CENPP: variants seen among roughly 807,000 people sequenced by gnomAD.
CENPP encodes the protein centromere protein P.
Under a neutral mutation model 35.6 loss-of-function variants are expected in CENPP, and 24 were observed. The observed-to-expected ratio is 0.67, with a 90% CI of 0.49 to 0.95. The LOEUF is 0.95. Ranked by LOEUF, CENPP falls within the 40% of genes least tolerant of loss-of-function variation. The probability of loss-of-function intolerance (pLI) is 0.00; values close to 1 mark genes in which losing one functional copy is unlikely to be tolerated. For missense variants in CENPP, 332 were observed against 345.3 expected, an observed-to-expected ratio of 0.96 and a Z score of 0.31; for synonymous variants, 120 against 125.5, an observed-to-expected ratio of 0.96 and a Z score of 0.29.
intron 5 of CENPP, among the ~76,000 whole-genome samples, chr9:92,471,977 T>G (rs1471531885): frequency 6.6e-6 from 1 of 152,188 alleles, no homozygotes; most frequent in African/African-American, 2.4e-5. Flanking sequence ...ATACATTTAA[T>G]AGCCAAAAAT....
At chr9:92,496,050 A>G in intron 5 of CENPP, 1 of 1,058,682 alleles carries the variant, frequency 9.4e-7, no homozygotes, top group Non-Finnish European at 1.1e-6. Context: ...GGTCTAGCTC[A>G]GTATGCATAA....
At chr9:92,560,220 A>G (rs756939735) in intron 5 of CENPP, among the ~76,000 whole-genome samples, 2 of 152,244 alleles carry the variant, frequency 1.3e-5, no homozygotes, top group Non-Finnish European at 2.9e-5. Flanking sequence ...AACAAAAAAC[A>G]AACTAGATAA....
At chr9:92,562,921 A>T (rs1222000763) in intron 5 of CENPP, among the ~76,000 whole-genome samples, 1 of 152,130 alleles carries the variant, frequency 6.6e-6, no homozygotes, top group Non-Finnish European at 1.5e-5. Flanking sequence ...CCACAGCCTC[A>T]TTTTTTCCCC....
chr9:92,328,292 A>C (rs536864935), intron 1 of CENPP, among the ~76,000 whole-genome samples: 41 of 152,260 alleles, frequency 2.7e-4, no homozygotes, highest in African/African-American at 9.6e-4. Flanking sequence ...GGAGGATTGG[A>C]ACCTATGTAC....
chr9:92,392,620 G>T (rs574074250), intron 5 of CENPP, among the ~76,000 whole-genome samples: 1 of 151,352 alleles, frequency 6.6e-6, no homozygotes, highest in Non-Finnish European at 1.5e-5. Context: ...ATGTCGGGTT[G>T]GGGGGAGGGG....
At chr9:92,547,456 G>GAAT (rs1308139465) in intron 5 of CENPP, among the ~76,000 whole-genome samples, 1 of 152,216 alleles carries the variant, frequency 6.6e-6, no homozygotes, top group African/African-American at 2.4e-5. Flanking sequence ...CCATACAAGG[G>GAAT]AATATTATTT....
intron 5 of CENPP, among the ~76,000 whole-genome samples, chr9:92,460,049 G>A (rs117934413): frequency 0.037 from 5,525 of 148,984 alleles, 134 homozygotes; most frequent in Middle Eastern, 0.073. Context: ...TGGTAATAAC[G>A]GTGGTTCTTT....
At chr9:92,356,469 A>C (rs557177209) in intron 4 of CENPP, among the ~76,000 whole-genome samples, 1 of 152,308 alleles carries the variant, frequency 6.6e-6, no homozygotes, top group South Asian at 2.1e-4. Context: ...CTGATTTCAT[A>C]TTGTTCAAAC....
chr9:92,361,470 T>G (rs1411201734), intron 4 of CENPP, among the ~76,000 whole-genome samples: 1 of 143,842 alleles, frequency 7.0e-6, no homozygotes, highest in African/African-American at 2.6e-5. Flanking sequence ...TTTATTTTAT[T>G]TTATTTTATT....
intron 7 of CENPP, 67 bp downstream of exon 7, chr9:92,612,681 T>A: frequency 8.7e-7 from 1 of 1,155,518 alleles, no homozygotes; most frequent in East Asian, 2.3e-5. Context: ...CCTGCCTGTT[T>A]CCTCTGGGTT....
chr9:92,592,843 C>T (rs532030457), intron 5 of CENPP, among the ~76,000 whole-genome samples: 1 of 152,282 alleles, frequency 6.6e-6, no homozygotes, highest in African/African-American at 2.4e-5. Flanking sequence ...TTGTATTCCC[C>T]TGATGATGCA....
Position 92,345,786 on chromosome 9 carries a change from A to C in CENPP, c.466A>C (p.Arg156=). 3 of 1,578,174 alleles carry C rather than the reference A, an allele frequency of 1.9e-6. No homozygotes were observed. The highest frequency in any genetic ancestry group is 2.6e-6 in the Non-Finnish European group (3 of 1,150,838). ...ECSELSEFVS[R]AEERKDLFMF... ...CTCAGAATTAAGTGAATTTGTGTCT[A>C]GGTAAGCTATTTTACAAACTTACTT... Residue 156 remains arginine, a splice_region_variant and synonymous_variant, in exon 4 of 8, where the codon AGA becomes CGA. Transcript: ENST00000375587.
intron 5 of CENPP, among the ~76,000 whole-genome samples, chr9:92,595,533 A>G (rs1194373190): frequency 1.3e-5 from 2 of 151,102 alleles, no homozygotes; most frequent in Non-Finnish European, 2.9e-5. Context: ...TGAACTCCCA[A>G]GTCTGCTCAG....
At chr9:92,567,377 T>TATAG (rs1401492838) in intron 5 of CENPP, among the ~76,000 whole-genome samples, 136 of 87,526 alleles carry the variant, frequency 1.6e-3, no homozygotes, top group African/African-American at 7.4e-3. Context: ...AAGATAGATA[T>TATAG]ATATATATAT....
chr9:92,350,535 T>G (rs1409977876), intron 4 of CENPP, among the ~76,000 whole-genome samples: 1 of 152,230 alleles, frequency 6.6e-6, no homozygotes, highest in Non-Finnish European at 1.5e-5. Context: ...GCTTTTAAGA[T>G]TATTTTCATG....
chr9:92,510,111 TAA>T (rs1847246856), intron 5 of CENPP: 1 of 1,487,334 alleles, frequency 6.7e-7, no homozygotes, highest in Non-Finnish European at 8.9e-7. Context: ...TGGTCGTGAC[TAA>T]AAGTCTCACA....
chr9:92,611,161 C>T (rs971927192), intron 5 of CENPP, 153 bp from the exon 6 acceptor site: 43 of 660,856 alleles, frequency 6.5e-5, no homozygotes, highest in Non-Finnish European at 1.1e-4. Context: ...TGTGTGACAG[C>T]AAGGGCAAGA....
chr9:92,365,592 G>C (rs1841867790), intron 4 of CENPP, among the ~76,000 whole-genome samples: 1 of 151,336 alleles, frequency 6.6e-6, no homozygotes, highest in Admixed American at 6.6e-5. Flanking sequence ...TGTATTCTTA[G>C]TAGAGATGGG....
At chr9:92,435,767 A>G (rs1001005053) in intron 5 of CENPP, among the ~76,000 whole-genome samples, 1 of 152,198 alleles carries the variant, frequency 6.6e-6, no homozygotes, top group Non-Finnish European at 1.5e-5. Context: ...TTACTGAGTG[A>G]TATTCCATGA....
Sources: gnomAD v4.1 joint callset for allele counts (sites outside exome capture counted in the v4.1 genomes callset) on GRCh38, gnomAD v4.1.1 for gene constraint, MANE v1.5 for transcripts, NCBI Gene and HGNC (gene_info 2026-07-23, HGNC 2026-07-21) for gene names.